Variants in FBLN1 observed in about 807,000 individuals in gnomAD.
FBLN1 encodes fibulin-1.
Under a neutral mutation model 89.7 loss-of-function variants are expected in FBLN1, and 34 were observed. The ratio of observed to expected loss-of-function variants is 0.38; its 90% CI spans 0.29 to 0.50. FBLN1 has a LOEUF of 0.50. Ranked by LOEUF, FBLN1 falls within the 20% of genes least tolerant of loss-of-function variation. FBLN1 has a pLI of 0.92. For synonymous variants in FBLN1, 393 were observed against 391.3 expected (o/e 1.00, Z -0.05); for missense variants, 777 against 988.1 (o/e 0.79, Z 2.86).
chr22:45,529,293 C>T (rs1314198826), intron 4 of FBLN1, among the ~76,000 whole-genome samples: 1 of 152,234 alleles, frequency 6.6e-6, no homozygotes, highest in African/African-American at 2.4e-5. Context: ...GACACTTACT[C>T]AGCAAAGGGG....
In FBLN1 at chr22:45,548,734, C is replaced by T. The variant is rs1420945596; in HGVS notation, c.1563C>T (p.Arg521=). 6 of 1,613,234 alleles carry T rather than the reference C, an allele frequency of 3.7e-6. No homozygotes were observed. The Admixed American group carries it at 1.0e-4, about 27-fold the overall frequency. Residue 521 remains arginine, a synonymous_variant, in exon 13 of 17, where the codon CGC becomes CGT. Transcript: ENST00000327858. The part of the protein sequence containing the change: ...SSGYRLAPNG[R]NCQDIDECVT... ...GCTACAGGCTGGCCCCCAATGGCCG[C>T]AACTGCCAAGGTGAGCAGGAGGGAT...
Position 45,549,969 on chromosome 22 carries a change from C to A in FBLN1, c.1574-523C>A, listed in dbSNP as rs1432304020. On this transcript the variant is annotated intron_variant, in intron 13 of 16. Transcript: ENST00000327858. This position sits in a 1 kb window ranked among gnomAD's most constrained non-coding sequence, Gnocchi z 5.7. ...TGGAGCTAGCAGCTCCTGCCCTTTT[C>A]TCCTAAGAGGTTGAGTCACACCTAG... Among the ~76,000 whole-genome samples the A allele has an allele frequency of 1.3e-5, 2 of 152,216 alleles. No individual in the cohort carries two copies. Among genetic ancestry groups the A allele is most frequent in the Non-Finnish European group, 2.9e-5 (2 of 68,032 alleles).
intron 8 of FBLN1, among the ~76,000 whole-genome samples, chr22:45,539,534 G>A (rs2088527762): frequency 6.6e-6 from 1 of 152,074 alleles, no homozygotes; most frequent in Non-Finnish European, 1.5e-5. Flanking sequence ...GAAGGAATGG[G>A]CCAGGGCTTC....
In FBLN1 at chr22:45,590,799, G is replaced by C. The variant is rs1024038103; in HGVS notation, c.1973-9508G>C. On this transcript the variant is annotated intron_variant, in intron 16 of 16. Transcript: ENST00000327858. The surrounding 1 kb of genome is among the most constrained non-coding windows in gnomAD (Gnocchi z 4.1). ...GTTCCTGGCTTGGGGGTACCTGCCT[G>C]GAGAGTGAGGGGTAGGGGAGGAAGG... 1.3e-5 allele frequency among the ~76,000 whole-genome samples: 2 copies of C among 152,132 alleles called. No individual in the cohort carries two copies. Among genetic ancestry groups the C allele is most frequent in the Admixed American group, 1.3e-4 (2 of 15,270 alleles).
intron 4 of FBLN1, 61 bp downstream of exon 4, chr22:45,528,070 TAGAGCG>T (rs2088354890): frequency 1.9e-6 from 3 of 1,574,268 alleles, no homozygotes; most frequent in South Asian, 1.1e-5. Flanking sequence ...GATGTGTATA[TAGAGCG>T]AGAGTGGAGA....
chr22:45,574,664 T>G lies in FBLN1; in HGVS notation c.1840+11T>G. On this transcript the variant is annotated intron_variant, in intron 15 of 16. Coordinates refer to ENST00000327858, the MANE Select transcript of FBLN1 (RefSeq NM_006486.3). This position sits in a 1 kb window ranked among gnomAD's most constrained non-coding sequence, Gnocchi z 4.1. ...TCACCCGCCCTGAAGGTGAGTGGGATGGGTGTGGGGGTCCCAGGGCCCCCT... is the reference window on the plus strand; with the variant it reads ...TCACCCGCCCTGAAGGTGAGTGGGAGGGGTGTGGGGGTCCCAGGGCCCCCT... The G allele has an allele frequency of 6.2e-7, 1 of 1,612,196 alleles. No homozygotes were observed. Among genetic ancestry groups the G allele is most frequent in the Non-Finnish European group, 8.5e-7 (1 of 1,179,486 alleles).
Position 45,545,316 on chromosome 22 carries a change from A to T in FBLN1, c.1322-1769A>T, listed in dbSNP as rs2088612394. 1.3e-5 allele frequency among the ~76,000 whole-genome samples: 2 copies of T among 152,140 alleles called. No individual in the cohort carries two copies. Among genetic ancestry groups the T allele is most frequent in the Admixed American group, 1.3e-4 (2 of 15,280 alleles). ...TGGTGTCCTCATCTGTAAAACGGGC[A>T]TAGTAGGACCAACCCCATAGGGGGT... On this transcript the variant is annotated intron_variant, in intron 11 of 16. Coordinates refer to ENST00000327858, the MANE Select transcript of FBLN1 (RefSeq NM_006486.3). This position sits in a 1 kb window ranked among gnomAD's most constrained non-coding sequence, Gnocchi z 5.9.
At position 45,574,403 on chromosome 22, in the gene FBLN1, A is replaced by G. The variant is rs1205532861; in HGVS notation, c.1698-108A>G. The G allele has an allele frequency of 3.3e-6, 4 of 1,200,248 alleles. No individual in the cohort carries two copies. The highest frequency in any genetic ancestry group is 3.6e-6 in the Non-Finnish European group (3 of 825,910). The allele number at this position is 1,200,248 out of a possible 1,614,324, so 74.3% of individuals were successfully genotyped here. On this transcript the variant is annotated intron_variant, in intron 14 of 16. Coordinates refer to ENST00000327858, the MANE Select transcript of FBLN1 (RefSeq NM_006486.3). The surrounding 1 kb of genome is among the most constrained non-coding windows in gnomAD (Gnocchi z 4.1). ...GTTCTCTGATGGAGCTGTCTCTGGG[A>G]CAGATGCCCCTGCCCTGGCCACCTG...
chr22:45,597,023 A>G lies in FBLN1; in HGVS notation c.1973-3284A>G, dbSNP rs2089193523. Among the ~76,000 whole-genome samples the G allele has an allele frequency of 6.6e-6, 1 of 150,752 alleles. No individual in the cohort carries two copies. The highest frequency in any genetic ancestry group is 2.4e-5 in the African/African-American group (1 of 41,126). On this transcript the variant is annotated intron_variant, in intron 16 of 16. Coordinates refer to ENST00000327858, the MANE Select transcript of FBLN1 (RefSeq NM_006486.3). This position sits in a 1 kb window ranked among gnomAD's most constrained non-coding sequence, Gnocchi z 4.2. ...AGAAATAGATCTCTTTTTTTTTGGG[A>G]CAGGATCTTGCTCTGTCACCCAGGC...
At chr22:45,541,715 G>A (rs1471113816) in intron 9 of FBLN1, among the ~76,000 whole-genome samples, 1 of 152,214 alleles carries the variant, frequency 6.6e-6, no homozygotes, top group Admixed American at 6.5e-5. Flanking sequence ...TTGTAATTCA[G>A]GCAATGTGGG....
chr22:45,528,058 G>A (rs765531948), intron 4 of FBLN1, 49 bp downstream of exon 4: 36 of 1,592,844 alleles, frequency 2.3e-5, no homozygotes, highest in Middle Eastern at 1.7e-4. Context: ...AAGGTTCTCC[G>A]GGATGTGTAT....
At position 45,590,346 on chromosome 22, in the gene FBLN1, G is replaced by T. The variant is rs2089125366; in HGVS notation, c.1973-9961G>T. ...GTGCCCACGTCTTTGAGTGAAGTTG[G>T]CAAGACTTGAACTCGTCCTGCCCTT... On this transcript the variant is annotated intron_variant, in intron 16 of 16. Transcript: ENST00000327858. The surrounding 1 kb of genome is among the most constrained non-coding windows in gnomAD (Gnocchi z 4.1). Among the ~76,000 whole-genome samples, 1 of 152,236 alleles carries T rather than the reference G, an allele frequency of 6.6e-6. No homozygotes were observed. Among genetic ancestry groups the T allele is most frequent in the African/African-American group, 2.4e-5 (1 of 41,470 alleles).
chr22:45,506,142 C>T (rs779181159), intron 1 of FBLN1, among the ~76,000 whole-genome samples: 2 of 152,362 alleles, frequency 1.3e-5, no homozygotes, highest in East Asian at 1.9e-4. Flanking sequence ...CAGGAGCCTT[C>T]GCAGCCCTTG....
chr22:45,597,010 CT>C lies in FBLN1; in HGVS notation c.1973-3288del, dbSNP rs34131999. On this transcript the variant is annotated intron_variant, in intron 16 of 16. Coordinates refer to ENST00000327858, the MANE Select transcript of FBLN1 (RefSeq NM_006486.3). The surrounding 1 kb of genome is among the most constrained non-coding windows in gnomAD (Gnocchi z 4.2). Reference sequence around the variant, plus strand: ...ATATAATAATAACAGAAATAGATCTCTTTTTTTTTGGGACAGGATCTTGCTC... The same window carrying C: ...ATATAATAATAACAGAAATAGATCTCTTTTTTTTGGGACAGGATCTTGCTC... Among the ~76,000 whole-genome samples the C allele has an allele frequency of 5.3e-5, 8 of 149,640 alleles. No individual in the cohort carries two copies. The highest frequency in any genetic ancestry group is 2.1e-4 in the South Asian group (1 of 4,744).
In FBLN1 at chr22:45,535,342, G is replaced by A. The variant is rs1193389243; in HGVS notation, c.922+5G>A. ...ATGCTCTAGGCAACTGTATTGGTAA[G>A]AGGTGTGCCGCCAGGATTAGCGGGT... On this transcript the variant is annotated splice_donor_5th_base_variant and intron_variant, in intron 8 of 16. Transcript: ENST00000327858. The A allele has an allele frequency of 6.2e-7, 1 of 1,614,162 alleles. No individual in the cohort carries two copies. The highest frequency in any genetic ancestry group is 1.7e-5 in the Admixed American group (1 of 60,028).
At chr22:45,587,809 C>A (rs1322583166) in intron 16 of FBLN1, among the ~76,000 whole-genome samples, 1 of 152,214 alleles carries the variant, frequency 6.6e-6, no homozygotes, top group African/African-American at 2.4e-5. Context: ...TTGGTGAACT[C>A]CTATTCATCC....
Position 45,565,083 on chromosome 22 carries a change from C to A in FBLN1, c.1698-9428C>A. The A allele has an allele frequency of 1.6e-5, 26 of 1,596,416 alleles. No individual in the cohort carries two copies. In the South Asian group the frequency reaches 2.8e-4, roughly 17 times the overall value. On this transcript the variant is annotated intron_variant, in intron 14 of 16. Coordinates refer to ENST00000327858, the MANE Select transcript of FBLN1 (RefSeq NM_006486.3). The stretch of plus-strand genomic sequence containing the variant: ...ACGGGAGCATGAGCCCTTTTCCCCA[C>A]GGCCCTTGCCACTGTCTCCTGGCCC...
At chr22:45,526,437 G>C (rs1480470894) in intron 3 of FBLN1, among the ~76,000 whole-genome samples, 1 of 152,238 alleles carries the variant, frequency 6.6e-6, no homozygotes, top group Non-Finnish European at 1.5e-5. Flanking sequence ...CAGCCAGCAA[G>C]GAAAACAAGC....
intron 2 of FBLN1, chr22:45,523,130 G>A (rs1569238294): frequency 1.3e-6 from 1 of 778,718 alleles, no homozygotes; most frequent in Non-Finnish European, 2.4e-6. Context: ...ACCTGAATGG[G>A]GCGTGGGCAG....
Sources: gnomAD v4.1 joint callset for allele counts (sites outside exome capture counted in the v4.1 genomes callset) on GRCh38, gnomAD v4.1.1 for gene constraint, Gnocchi (gnomAD v3.1) non-coding constraint, MANE v1.5 for transcripts, NCBI Gene and HGNC (gene_info 2026-07-23, HGNC 2026-07-21) for gene names.